The following GPR83 variants were observed in gnomAD, a reference collection of about 807,000 sequenced individuals.
The protein encoded by GPR83 is G protein-coupled receptor 83, also known as G-protein coupled receptor 72.
In GPR83, 23 loss-of-function variants were observed where a neutral mutation model predicts 28.0. The observed-to-expected ratio is 0.82, with a 90% confidence interval of 0.59 to 1.16. The LOEUF is 1.16. Among genes scored for constraint, GPR83 ranks in the 50% most tolerant of loss-of-function variants. The pLI is 0.00. For missense variants in GPR83, 610 were observed against 536.6 expected (o/e 1.14, Z -1.35); for synonymous variants, 234 against 215.4 (o/e 1.09, Z -0.76).
chr11:94,382,343 C>CAAAAAAA (rs57302833), intron 3 of GPR83, among the ~76,000 whole-genome samples: 11 of 67,306 alleles, frequency 1.6e-4, no homozygotes, highest in African/African-American at 5.0e-4. Flanking sequence ...AACACCATCT[C>CAAAAAAA]AAAAAAAAAA....
intron 3 of GPR83, among the ~76,000 whole-genome samples, chr11:94,382,935 C>T (rs183563260): frequency 6.4e-4 from 98 of 152,006 alleles, no homozygotes; most frequent in Non-Finnish European, 1.1e-3. Flanking sequence ...GAGGCCAAGG[C>T]GGGCGGATCA....
At chr11:94,389,862 C>T (rs1472960357) in intron 3 of GPR83, among the ~76,000 whole-genome samples, 3 of 152,198 alleles carry the variant, frequency 2.0e-5, no homozygotes, top group African/African-American at 4.8e-5. Flanking sequence ...TATAAAGACA[C>T]ATGCAGACGT....
chr11:94,380,543 A>G lies in GPR83; in HGVS notation c.878T>C (p.Met293Thr). The change falls in exon 4 of 4, where the codon ATG becomes ACG. Residue 293 changes from methionine (M) to threonine (T), a missense_variant. By Grantham distance (81) the Met-to-Thr change is moderately conservative. Coordinates refer to ENST00000243673, the MANE Select transcript of GPR83 (RefSeq NM_016540.4). Reference sequence around the variant, plus strand: ...AAAGAGGACTACCACCAGCATCAACATCTTGATGGTCTTCTTCTTTTTGCG... The same window carrying G: ...AAAGAGGACTACCACCAGCATCAACGTCTTGATGGTCTTCTTCTTTTTGCG... Reference protein sequence around the residue: ...LRRKKKKTIKMLMLVVVLFAL... With the variant: ...LRRKKKKTIKTLMLVVVLFAL... 6.2e-7 allele frequency: 1 copy of G among 1,614,222 alleles called. No homozygotes were observed. The highest frequency in any genetic ancestry group is 8.5e-7 in the Non-Finnish European group (1 of 1,180,038).
At chr11:94,400,238 T>G (rs71477696) in intron 1 of GPR83, among the ~76,000 whole-genome samples, 3,205 of 152,214 alleles carry the variant, frequency 0.021, 60 homozygotes, top group Non-Finnish European at 0.03. Context: ...GATTTACTGC[T>G]CAATTATCAA....
At chr11:94,389,807 A>G (rs577237592) in intron 3 of GPR83, among the ~76,000 whole-genome samples, 1 of 152,358 alleles carries the variant, frequency 6.6e-6, no homozygotes, top group South Asian at 2.1e-4. Flanking sequence ...TGACCCAGCC[A>G]TCCCATTACT....
chr11:94,397,580 T>G (rs1944878053), intron 1 of GPR83, among the ~76,000 whole-genome samples: 1 of 152,264 alleles, frequency 6.6e-6, no homozygotes, highest in Admixed American at 6.5e-5. Flanking sequence ...CATTGGGCCC[T>G]CTGAGCCCCA....
At chr11:94,399,533 C>A (rs868073646) in intron 1 of GPR83, among the ~76,000 whole-genome samples, 21 of 152,124 alleles carry the variant, frequency 1.4e-4, no homozygotes, top group Non-Finnish European at 5.9e-5. Flanking sequence ...TTCTCATCTG[C>A]AAAATGTGAG....
intron 3 of GPR83, among the ~76,000 whole-genome samples, chr11:94,388,126 C>A (rs972365728): frequency 1.3e-5 from 2 of 152,108 alleles, no homozygotes; most frequent in Non-Finnish European, 2.9e-5. Context: ...ATTCAACAGC[C>A]CTTCATGCTA....
chr11:94,394,836 G>A lies in GPR83; in HGVS notation c.514-1218C>T, dbSNP rs1025537074. 2.0e-5 allele frequency among the ~76,000 whole-genome samples: 3 copies of A among 152,252 alleles called. No individual in the cohort carries two copies. In the East Asian group the frequency reaches 5.8e-4, roughly 29 times the overall value. ...TGGCCTTGGGACAGAGCCCCTTGTTGGGGTATATGTTGCAGTAACATGGTC... is the reference window on the plus strand; with the variant it reads ...TGGCCTTGGGACAGAGCCCCTTGTTAGGGTATATGTTGCAGTAACATGGTC... On this transcript the variant is annotated intron_variant, in intron 2 of 3. Coordinates refer to ENST00000243673, the MANE Select transcript of GPR83 (RefSeq NM_016540.4).
chr11:94,383,172 A>G (rs1262377760), intron 3 of GPR83, among the ~76,000 whole-genome samples: 1 of 151,828 alleles, frequency 6.6e-6, no homozygotes, highest in African/African-American at 2.4e-5. Context: ...GAAAAAAAAA[A>G]AAAGAAACTC....
At chr11:94,392,762 G>T (rs1433778083) in intron 3 of GPR83, among the ~76,000 whole-genome samples, 1 of 151,826 alleles carries the variant, frequency 6.6e-6, no homozygotes, top group African/African-American at 2.4e-5. Flanking sequence ...GGTGGCGGAG[G>T]TTACAGTGAT....
Position 94,380,091 on chromosome 11 carries a change from T to C in GPR83, c.*58A>G, listed in dbSNP as rs1944669248. On this transcript the variant is annotated 3_prime_UTR_variant, in exon 4 of 4. Coordinates refer to ENST00000243673, the MANE Select transcript of GPR83 (RefSeq NM_016540.4). ...CTGAAGATCATGTGTGAGAATAGGC[T>C]CTCTTTCCCTGCCTCAGGTGGAGAC... 11 of 1,355,628 alleles carry C rather than the reference T, an allele frequency of 8.1e-6. No homozygotes were observed. Among genetic ancestry groups the C allele is most frequent in the Non-Finnish European group, 1.1e-5 (11 of 1,001,566 alleles). 84.0% of individuals were successfully genotyped at this position (1,355,628 alleles called of 1,614,324 possible). A position where few individuals can be genotyped will look rare whatever the true frequency, so the allele number is the denominator to read the frequency against.
chr11:94,391,003 C>A (rs1427430118), intron 3 of GPR83, among the ~76,000 whole-genome samples: 3 of 152,158 alleles, frequency 2.0e-5, no homozygotes, highest in Admixed American at 6.5e-5. Context: ...CAAAAAAGAG[C>A]CCGCATTGCC....
chr11:94,386,996 T>C (rs1203488584), intron 3 of GPR83, among the ~76,000 whole-genome samples: 1 of 152,042 alleles, frequency 6.6e-6, no homozygotes, highest in African/African-American at 2.4e-5. Context: ...CACAGAGCAA[T>C]CAAACTAGAT....
intron 3 of GPR83, among the ~76,000 whole-genome samples, 179 bp from the exon 4 acceptor site, chr11:94,380,952 G>T (rs941621754): frequency 6.6e-6 from 1 of 152,122 alleles, no homozygotes; most frequent in Non-Finnish European, 1.5e-5. Flanking sequence ...TCCCCCACTA[G>T]GCTGGGAATT....
At chr11:94,385,385 C>T (rs4753605) in intron 3 of GPR83, among the ~76,000 whole-genome samples, 80,948 of 151,936 alleles carry the variant, frequency 0.53, 22,051 homozygotes, top group East Asian at 0.64. Flanking sequence ...AGGCTTCAGA[C>T]GATCAAACTT....
At position 94,380,276 on chromosome 11, in the gene GPR83, C is replaced by A. The variant is rs369498619; in HGVS notation, c.1145G>T (p.Arg382Met). The change falls in exon 4 of 4, where the codon AGG becomes ATG. Residue 382 changes from arginine (R) to methionine (M), a missense_variant. By Grantham distance (91) the Arg-to-Met change is moderately conservative. Transcript: ENST00000243673. ...ATCATTCTTCTCTGTCCAGGCCACC[C>A]TGAAGGAAGGAACTGGGGAGGGTGG... The part of the protein sequence containing the change: ...DRPPSPVPSF[R>M]VAWTEKNDGQ... 1.6e-5 allele frequency: 26 copies of A among 1,581,304 alleles called. No homozygotes were observed. Among genetic ancestry groups the A allele is most frequent in the Non-Finnish European group, 2.1e-5 (24 of 1,162,880 alleles).
intron 3 of GPR83, among the ~76,000 whole-genome samples, chr11:94,385,068 G>T (rs1944737325): frequency 6.6e-6 from 1 of 152,332 alleles, no homozygotes; most frequent in East Asian, 1.9e-4. Context: ...AGCCTCTGCT[G>T]CTGATACCCA....
Position 94,401,240 on chromosome 11 carries a change from G to C in GPR83, c.8C>G (p.Pro3Arg). 1 of 1,600,192 alleles carries C rather than the reference G, an allele frequency of 6.2e-7. No homozygotes were observed. Among genetic ancestry groups the C allele is most frequent in the Non-Finnish European group, 8.5e-7 (1 of 1,173,174 alleles). The change falls in exon 1 of 4, where the codon CCT (proline) becomes CGT (arginine). Residue 3 changes from proline to arginine, a missense_variant. Coordinates refer to ENST00000243673, the MANE Select transcript of GPR83 (RefSeq NM_016540.4). ...GAGGAGACAGAGCAGCAAGAGGTGA[G>C]GGACCATTTTGCAGGAGCCACCCCT... MV[P>R]HLLLLCLLPL...
Sources: allele counts gnomAD v4.1 joint callset (sites outside exome capture counted in the v4.1 genomes callset), GRCh38; gene constraint gnomAD v4.1.1; transcripts MANE v1.5; gene names NCBI Gene and HGNC (gene_info 2026-07-23, HGNC 2026-07-21).